Variants in PPP3CC observed in about 807,000 individuals in gnomAD.
PPP3CC encodes the protein serine/threonine-protein phosphatase 2B catalytic subunit gamma isoform.
In PPP3CC, 35 loss-of-function variants were observed where a neutral mutation model predicts 60.3. The ratio of observed to expected loss-of-function variants is 0.58; its 90% CI spans 0.44 to 0.77. PPP3CC has a LOEUF of 0.77. PPP3CC is among the 30% of genes least tolerant of loss of function. PPP3CC has a pLI of 0.00. For synonymous variants in PPP3CC, 206 were observed against 224.3 expected, an observed-to-expected ratio of 0.92 and a Z score of 0.73; for missense variants, 570 against 628.9, an observed-to-expected ratio of 0.91 and a Z score of 1.00.
chr8:22,481,921 A>C (rs920908816), intron 3 of PPP3CC, among the ~76,000 whole-genome samples: 2 of 151,956 alleles, frequency 1.3e-5, no homozygotes, highest in Non-Finnish European at 2.9e-5. Flanking sequence ...CATTTTCTCT[A>C]TCCAGTCTAT....
At chr8:22,459,455 A>ATGTGTGTGTG (rs56870564) in intron 1 of PPP3CC, among the ~76,000 whole-genome samples, 1,673 of 150,240 alleles carry the variant, frequency 0.011, 24 homozygotes, top group African/African-American at 0.033. Flanking sequence ...TCACTTTGTT[A>ATGTGTGTGTG]TGTGTGTGTG....
intron 1 of PPP3CC, among the ~76,000 whole-genome samples, chr8:22,457,444 A>G (rs1837236778): frequency 6.6e-6 from 1 of 151,982 alleles, no homozygotes; most frequent in African/African-American, 2.4e-5. Flanking sequence ...CTGGGACTAC[A>G]GGTGCACACC....
At chr8:22,486,261 A>G (rs1198326660) in intron 3 of PPP3CC, among the ~76,000 whole-genome samples, 2 of 152,092 alleles carry the variant, frequency 1.3e-5, no homozygotes, top group African/African-American at 4.8e-5. Context: ...ATTCAGATAG[A>G]TGGGATTGGG....
At chr8:22,466,429 T>A (rs546909115) in intron 1 of PPP3CC, among the ~76,000 whole-genome samples, 2 of 152,336 alleles carry the variant, frequency 1.3e-5, no homozygotes, top group Admixed American at 1.3e-4. Context: ...TCCACAGTGG[T>A]TGAACTGATT....
At chr8:22,532,112 TTC>T in intron 10 of PPP3CC, 111 bp from the exon 11 acceptor site, 2 of 709,814 alleles carry the variant, frequency 2.8e-6, no homozygotes, top group Non-Finnish European at 2.3e-6. Flanking sequence ...AAGCCTTCAT[TTC>T]TGTTTTTTAA....
chr8:22,469,908 A>G (rs1386437268), intron 1 of PPP3CC, among the ~76,000 whole-genome samples: 1 of 151,988 alleles, frequency 6.6e-6, no homozygotes, highest in Non-Finnish European at 1.5e-5. Context: ...ACATGGCAGT[A>G]GATAATTCAT....
At chr8:22,510,491 A>G (rs1839055270) in intron 4 of PPP3CC, among the ~76,000 whole-genome samples, 1 of 152,176 alleles carries the variant, frequency 6.6e-6, no homozygotes, top group African/African-American at 2.4e-5. Flanking sequence ...CAGACTCACA[A>G]GACTACCATG....
intron 1 of PPP3CC, among the ~76,000 whole-genome samples, chr8:22,459,930 T>C (rs1204618130): frequency 6.6e-6 from 1 of 152,186 alleles, no homozygotes; most frequent in Non-Finnish European, 1.5e-5. Flanking sequence ...CTTCTAAAGA[T>C]GTTTAAGAAA....
In PPP3CC at chr8:22,527,413, A is replaced by C; in HGVS notation, c.965A>C (p.Asn322Thr). 1 of 1,613,874 alleles carries C rather than the reference A, an allele frequency of 6.2e-7. No individual in the cohort carries two copies. The highest frequency in any genetic ancestry group is 8.5e-7 in the Non-Finnish European group (1 of 1,179,842). ...TTAGCTGCTGTGTTGAAATATGAAA[A>C]CAATGTCATGAATATCAGGCAGTTT... Reference protein sequence around the residue: ...NNKAAVLKYENNVMNIRQFNC... With the variant: ...NNKAAVLKYETNVMNIRQFNC... The change falls in exon 9 of 14, where the codon AAC (asparagine) becomes ACC (threonine). Residue 322 changes from asparagine to threonine, a missense_variant. By Grantham distance (65) the Asn-to-Thr change is moderately conservative. Coordinates refer to ENST00000240139, the MANE Select transcript of PPP3CC (RefSeq NM_005605.5).
chr8:22,476,295 C>A (rs774010949), intron 3 of PPP3CC, among the ~76,000 whole-genome samples: 6 of 152,220 alleles, frequency 3.9e-5, no homozygotes, highest in Non-Finnish European at 5.9e-5. Context: ...TGATTCAACT[C>A]TACATGCTGG....
At chr8:22,477,856 TA>T (rs1274577398) in intron 3 of PPP3CC, among the ~76,000 whole-genome samples, 1 of 152,078 alleles carries the variant, frequency 6.6e-6, no homozygotes, top group Non-Finnish European at 1.5e-5. Context: ...TTTATTTATT[TA>T]TTTATTTTTT....
chr8:22,520,944 C>T (rs528769326), intron 6 of PPP3CC, among the ~76,000 whole-genome samples: 72 of 152,242 alleles, frequency 4.7e-4, no homozygotes, highest in African/African-American at 1.4e-3. Context: ...TGGACTCGTT[C>T]GCCAAGTAAA....
chr8:22,456,744 T>A (rs1489369874), intron 1 of PPP3CC, among the ~76,000 whole-genome samples: 1 of 152,210 alleles, frequency 6.6e-6, no homozygotes, highest in African/African-American at 2.4e-5. Flanking sequence ...CCTGTATAGC[T>A]ACACCAGTCC....
intron 3 of PPP3CC, among the ~76,000 whole-genome samples, chr8:22,483,310 G>A (rs367975393): frequency 1.3e-5 from 2 of 151,712 alleles, no homozygotes; most frequent in South Asian, 2.1e-4. Flanking sequence ...ATTTTGACAC[G>A]GAGTCTCGCT....
intron 4 of PPP3CC, among the ~76,000 whole-genome samples, chr8:22,501,098 G>T (rs556152180): frequency 5.4e-4 from 82 of 152,250 alleles, no homozygotes; most frequent in African/African-American, 1.9e-3. Context: ...GGAGTTTGTG[G>T]CTATAGTGAG....
chr8:22,538,063 A>G (rs1839882482), intron 12 of PPP3CC, among the ~76,000 whole-genome samples: 1 of 152,186 alleles, frequency 6.6e-6, no homozygotes, highest in South Asian at 2.1e-4. Context: ...TATGAATTCT[A>G]TTTCAGTTAA....
At chr8:22,477,001 A>G (rs1015899005) in intron 3 of PPP3CC, among the ~76,000 whole-genome samples, 1 of 151,926 alleles carries the variant, frequency 6.6e-6, no homozygotes, top group Non-Finnish European at 1.5e-5. Flanking sequence ...AAATGTGAGG[A>G]CAAAAGTTAA....
intron 4 of PPP3CC, among the ~76,000 whole-genome samples, chr8:22,498,944 G>GA (rs924778748): frequency 6.6e-6 from 1 of 151,548 alleles, no homozygotes; most frequent in Non-Finnish European, 1.5e-5. Flanking sequence ...CCAACATGAT[G>GA]AAACCCCTGT....
intron 3 of PPP3CC, among the ~76,000 whole-genome samples, chr8:22,477,434 G>A (rs1338594933): frequency 6.7e-6 from 1 of 150,166 alleles, no homozygotes. Context: ...CTATTGTGCC[G>A]CTACACTCCA....
Sources: allele counts gnomAD v4.1 joint callset (sites outside exome capture counted in the v4.1 genomes callset), GRCh38; gene constraint gnomAD v4.1.1; transcripts MANE v1.5; gene names NCBI Gene and HGNC (gene_info 2026-07-23, HGNC 2026-07-21).